Variants in CIAO2A observed in about 807,000 individuals in gnomAD.
The protein encoded by CIAO2A is cytosolic iron-sulfur assembly component 2A.
CIAO2A carries 17 observed loss-of-function variants against 22.4 expected under a neutral mutation model. That is an observed-to-expected ratio of 0.76 (90% confidence interval 0.52 to 1.14). The LOEUF is 1.14. CIAO2A is among the 50% of genes most tolerant of loss of function. The probability of loss-of-function intolerance (pLI) is 0.00; values close to 1 mark genes in which losing one functional copy is unlikely to be tolerated. For synonymous variants in CIAO2A, 74 were observed against 72.3 expected, an observed-to-expected ratio of 1.02 and a Z score of -0.12; for missense variants, 192 against 191.4, an observed-to-expected ratio of 1.00 and a Z score of -0.02.
At chr15:64,086,913 GA>G (rs2080801319) in intron 2 of CIAO2A, among the ~76,000 whole-genome samples, 3 of 149,618 alleles carry the variant, frequency 2.0e-5, no homozygotes, top group African/African-American at 7.4e-5. Flanking sequence ...ATGCCAATGG[GA>G]ATTTTTTTTT....
At chr15:64,075,267 G>A in intron 4 of CIAO2A, 1 of 432,278 alleles carries the variant, frequency 2.3e-6, no homozygotes, top group African/African-American at 2.1e-5. Flanking sequence ...GTAGCCACTG[G>A]CCTAAACCAG....
chr15:64,081,038 G>A (rs2080755612), intron 3 of CIAO2A, 64 bp downstream of exon 3: 1 of 1,484,826 alleles, frequency 6.7e-7, no homozygotes, highest in Non-Finnish European at 9.3e-7. Flanking sequence ...TGTGTGGTAT[G>A]TGAATTATAT....
chr15:64,091,701 C>T (rs557045092), intron 1 of CIAO2A, among the ~76,000 whole-genome samples: 1 of 152,016 alleles, frequency 6.6e-6, no homozygotes, highest in South Asian at 2.1e-4. Context: ...AATTAAATAT[C>T]ATCCTTATTA....
At chr15:64,073,162 T>C (rs1290639967) in intron 4 of CIAO2A, 134 bp from the exon 5 acceptor site, 12 of 561,722 alleles carry the variant, frequency 2.1e-5, no homozygotes, top group African/African-American at 1.3e-4. Flanking sequence ...TAATTACTCA[T>C]AATGTAATTT....
chr15:64,077,127 A>C (rs150137574), intron 3 of CIAO2A, among the ~76,000 whole-genome samples: 262 of 152,280 alleles, frequency 1.7e-3, no homozygotes, highest in African/African-American at 6.1e-3. Context: ...CCTGGCTAAC[A>C]CAGTAAAACC....
chr15:64,084,820 C>T (rs967831409), intron 2 of CIAO2A, among the ~76,000 whole-genome samples: 7 of 151,690 alleles, frequency 4.6e-5, no homozygotes, highest in Non-Finnish European at 7.4e-5. Context: ...CGGTCAGGCG[C>T]GGTGGCTCAC....
intron 1 of CIAO2A, among the ~76,000 whole-genome samples, chr15:64,093,401 G>A (rs1022531306): frequency 6.6e-6 from 1 of 151,994 alleles, no homozygotes; most frequent in Non-Finnish European, 1.5e-5. Flanking sequence ...AGACCTCTGG[G>A]TTCGGCTTGC....
chr15:64,079,998 G>A lies in CIAO2A; in HGVS notation c.339+1104C>T, dbSNP rs151191396. Reference sequence around the variant, plus strand: ...CATCCTTATTTTAAAATGGGCAAAGGATCTGAATAGACAGCTCTCCAAAGA... The same window carrying A: ...CATCCTTATTTTAAAATGGGCAAAGAATCTGAATAGACAGCTCTCCAAAGA... On this transcript the variant is annotated intron_variant, in intron 3 of 4. Coordinates refer to ENST00000300030, the MANE Select transcript of CIAO2A (RefSeq NM_032231.7). Among the ~76,000 whole-genome samples, 1,324 of 152,286 alleles carry A rather than the reference G, an allele frequency of 8.7e-3. 18 individuals carry two copies. The highest frequency in any genetic ancestry group is 0.022 in the African/African-American group (911 of 41,542).
chr15:64,083,334 T>C (rs1361343635), intron 2 of CIAO2A, among the ~76,000 whole-genome samples: 2 of 152,132 alleles, frequency 1.3e-5, no homozygotes, highest in South Asian at 4.1e-4. Flanking sequence ...CTACACCTTC[T>C]GACCTCCAAA....
intron 1 of CIAO2A, among the ~76,000 whole-genome samples, 160 bp downstream of exon 1, chr15:64,093,485 C>T (rs2080860663): frequency 6.6e-6 from 1 of 151,990 alleles, no homozygotes; most frequent in Non-Finnish European, 1.5e-5. Context: ...GAAGAAAGCG[C>T]CTGCTACGCC....
chr15:64,093,424 A>G (rs1391271075), intron 1 of CIAO2A, among the ~76,000 whole-genome samples: 1 of 152,052 alleles, frequency 6.6e-6, no homozygotes, highest in Non-Finnish European at 1.5e-5. Flanking sequence ...CAGGTTTACG[A>G]AGAGCCCAGT....
At chr15:64,087,983 A>G (rs2080810928) in intron 2 of CIAO2A, among the ~76,000 whole-genome samples, 2 of 152,214 alleles carry the variant, frequency 1.3e-5, no homozygotes, top group Non-Finnish European at 1.5e-5. Context: ...AGATCTCTCC[A>G]TATCAGTACA....
chr15:64,088,890 T>A (rs373873752), intron 1 of CIAO2A, 39 bp from the exon 2 acceptor site: 2 of 1,563,198 alleles, frequency 1.3e-6, no homozygotes, highest in African/African-American at 2.8e-5. Flanking sequence ...TATTAAAACA[T>A]GACTATTCTA....
intron 4 of CIAO2A, 92 bp from the exon 5 acceptor site, chr15:64,073,120 T>G: frequency 1.2e-6 from 1 of 801,848 alleles, no homozygotes; most frequent in Non-Finnish European, 2.0e-6. Context: ...ACAAAAACTT[T>G]AACTCCTTGA....
At chr15:64,077,109 G>A (rs1004485404) in intron 3 of CIAO2A, among the ~76,000 whole-genome samples, 1 of 152,060 alleles carries the variant, frequency 6.6e-6, no homozygotes, top group African/African-American at 2.4e-5. Flanking sequence ...TCAGGAGATC[G>A]AGACCATCCT....
intron 1 of CIAO2A, among the ~76,000 whole-genome samples, chr15:64,091,164 C>T (rs75055782): frequency 1.9e-4 from 7 of 37,668 alleles, no homozygotes; most frequent in Admixed American, 3.9e-4. Flanking sequence ...CTTTAATTTG[C>T]TCCTGGGCTT....
At chr15:64,092,472 C>T (rs1162195141) in intron 1 of CIAO2A, among the ~76,000 whole-genome samples, 1 of 152,204 alleles carries the variant, frequency 6.6e-6, no homozygotes, top group Non-Finnish European at 1.5e-5. Flanking sequence ...ATTCAGTCTA[C>T]AGCCTTCTAT....
intron 2 of CIAO2A, among the ~76,000 whole-genome samples, chr15:64,084,288 G>A (rs1488882292): frequency 6.6e-6 from 1 of 152,046 alleles, no homozygotes; most frequent in Non-Finnish European, 1.5e-5. Flanking sequence ...AATTACAGGT[G>A]TGGGCCACCA....
chr15:64,088,820 C>A lies in CIAO2A; in HGVS notation c.156G>T (p.Lys52Asn). ...DLIRTIRDPE[K>N]PNTLEELEVV... Reference sequence around the variant, plus strand: ...CTTCCAGTTCTTCTAAAGTATTGGGCTTTTCTGGGTCCCGGATAGTTCTAA... The same window carrying A: ...CTTCCAGTTCTTCTAAAGTATTGGGATTTTCTGGGTCCCGGATAGTTCTAA... Residue 52 changes from lysine (K) to asparagine (N), a missense_variant, in exon 2 of 5, where the codon AAG becomes AAT. Physicochemically the swap from Lys to Asn is moderately conservative, Grantham distance 94. Coordinates refer to ENST00000300030, the MANE Select transcript of CIAO2A (RefSeq NM_032231.7). 6.2e-7 allele frequency: 1 copy of A among 1,613,852 alleles called. No individual in the cohort carries two copies. Among genetic ancestry groups the A allele is most frequent in the Non-Finnish European group, 8.5e-7 (1 of 1,179,948 alleles).
Sources: allele counts gnomAD v4.1 joint callset (sites outside exome capture counted in the v4.1 genomes callset), GRCh38; gene constraint gnomAD v4.1.1; transcripts MANE v1.5; gene names NCBI Gene and HGNC (gene_info 2026-07-23, HGNC 2026-07-21).